ANGPT1: variants seen among roughly 807,000 people sequenced by gnomAD.
ANGPT1 encodes angiopoietin 1.
A neutral mutation model predicts 62.2 loss-of-function variants in ANGPT1; 17 were observed. The observed-to-expected ratio is 0.27, with a 90% CI of 0.19 to 0.41. The LOEUF (loss-of-function observed/expected upper bound fraction) is 0.41, where lower values mean the gene tolerates loss of function less well. Ranked by LOEUF, ANGPT1 falls within the 10% of genes least tolerant of loss-of-function variation. The probability of loss-of-function intolerance (pLI) is 1.00; values close to 1 mark genes in which losing one functional copy is unlikely to be tolerated. For synonymous variants in ANGPT1, 199 were observed against 198.9 expected (o/e 1.00, Z 0.00); for missense variants, 478 against 594.9 (o/e 0.80, Z 2.04).
At chr8:107,469,797 T>C (rs1323808489) in intron 1 of ANGPT1, among the ~76,000 whole-genome samples, 1 of 152,042 alleles carries the variant, frequency 6.6e-6, no homozygotes, top group African/African-American at 2.4e-5. Flanking sequence ...GCTTTTAAAA[T>C]TGTACTTCAT....
At chr8:107,389,283 G>A (rs117823237) in intron 1 of ANGPT1, among the ~76,000 whole-genome samples, 33 of 152,256 alleles carry the variant, frequency 2.2e-4, no homozygotes, top group Non-Finnish European at 4.3e-4. Flanking sequence ...ATCATGGCAA[G>A]GACTACGTGC....
chr8:107,493,580 A>G (rs970088295), intron 1 of ANGPT1, among the ~76,000 whole-genome samples: 2 of 150,676 alleles, frequency 1.3e-5, no homozygotes, highest in African/African-American at 4.9e-5. Context: ...ACAACTTACA[A>G]TCTATTGAAG....
intron 1 of ANGPT1, among the ~76,000 whole-genome samples, chr8:107,428,450 A>C (rs1811092723): frequency 6.6e-6 from 1 of 152,144 alleles, no homozygotes; most frequent in Non-Finnish European, 1.5e-5. Flanking sequence ...GACCCATCCA[A>C]ACAGAAACAA....
At chr8:107,267,046 ATTAT>A (rs1222307118) in intron 7 of ANGPT1, among the ~76,000 whole-genome samples, 2 of 151,896 alleles carry the variant, frequency 1.3e-5, no homozygotes, top group African/African-American at 2.4e-5. Context: ...AATATAAAAT[ATTAT>A]TTATTTTTAA....
At chr8:107,463,259 A>T (rs1252227262) in intron 1 of ANGPT1, among the ~76,000 whole-genome samples, 1 of 152,094 alleles carries the variant, frequency 6.6e-6, no homozygotes, top group Admixed American at 6.6e-5. Flanking sequence ...TGAGCTTGGA[A>T]GCAATCATTT....
chr8:107,424,636 C>T (rs1051246550), intron 1 of ANGPT1, among the ~76,000 whole-genome samples: 1 of 152,168 alleles, frequency 6.6e-6, no homozygotes, highest in Non-Finnish European at 1.5e-5. Context: ...TCAATGCAAA[C>T]CACAACTGGA....
rs1485150484 is a variant in ANGPT1 at position 107,353,237 on chromosome 8, C to T, written c.298-6140G>A. On this transcript the variant is annotated intron_variant, in intron 1 of 8. Transcript: ENST00000517746. ...TGAAAGAGACATTAAATATTATGAG[C>T]TCCAAGGATCTTGTTTTATAGATGT... Among the ~76,000 whole-genome samples the T allele has an allele frequency of 2.6e-5, 4 of 152,116 alleles. No homozygotes were observed. The East Asian group carries it at 7.7e-4, about 29-fold the overall frequency.
At chr8:107,442,992 C>T (rs1370113070) in intron 1 of ANGPT1, among the ~76,000 whole-genome samples, 1 of 152,118 alleles carries the variant, frequency 6.6e-6, no homozygotes, top group African/African-American at 2.4e-5. Context: ...AATGCCCAGC[C>T]CAGTCTTTCT....
At chr8:107,336,938 A>G (rs1305999913) in intron 2 of ANGPT1, among the ~76,000 whole-genome samples, 1 of 152,186 alleles carries the variant, frequency 6.6e-6, no homozygotes, top group African/African-American at 2.4e-5. Flanking sequence ...TAGGCATGTA[A>G]AAGATACCTG....
chr8:107,482,593 AG>A (rs1410902116), intron 1 of ANGPT1, among the ~76,000 whole-genome samples: 1 of 152,102 alleles, frequency 6.6e-6, no homozygotes, highest in Non-Finnish European at 1.5e-5. Flanking sequence ...ATTCAAGGGG[AG>A]GGGAACTCTT....
chr8:107,340,035 G>A (rs1815660736), intron 2 of ANGPT1, among the ~76,000 whole-genome samples: 1 of 152,130 alleles, frequency 6.6e-6, no homozygotes, highest in African/African-American at 2.4e-5. Context: ...CTCCACTGAT[G>A]TATTAAACTA....
intron 1 of ANGPT1, among the ~76,000 whole-genome samples, chr8:107,403,888 G>GAAGAAATGAAAGACAAGA (rs1817094940): frequency 6.6e-6 from 1 of 152,084 alleles, no homozygotes; most frequent in Non-Finnish European, 1.5e-5. Context: ...TTACTGTCAT[G>GAAGAAATGAAAGACAAGA]AAGAAATGAA....
intron 1 of ANGPT1, among the ~76,000 whole-genome samples, chr8:107,400,720 T>G (rs528172431): frequency 6.6e-6 from 1 of 152,068 alleles, no homozygotes; most frequent in African/African-American, 2.4e-5. Flanking sequence ...CCACTACACC[T>G]GGCTAATTTC....
chr8:107,298,646 G>C (rs1814478222), intron 5 of ANGPT1, among the ~76,000 whole-genome samples: 1 of 150,900 alleles, frequency 6.6e-6, no homozygotes, highest in African/African-American at 2.4e-5. Context: ...TTTTTTTTTG[G>C]CATGGAACAA....
Position 107,341,510 on chromosome 8 carries a change from T to C in ANGPT1, c.454-5239A>G, listed in dbSNP as rs1052408410. Among the ~76,000 whole-genome samples the C allele has an allele frequency of 4.6e-5, 7 of 150,640 alleles. No homozygotes were observed. In the Admixed American group the frequency reaches 4.6e-4, roughly 10 times the overall value. On this transcript the variant is annotated intron_variant, in intron 2 of 8. Coordinates refer to ENST00000517746, the MANE Select transcript of ANGPT1 (RefSeq NM_001146.5). ...TGAATGTAGAAATTAGATAATCTTATGGAATTATTGTTCATCTTAGTTGTG... is the reference window on the plus strand; with the variant it reads ...TGAATGTAGAAATTAGATAATCTTACGGAATTATTGTTCATCTTAGTTGTG...
chr8:107,274,951 ACATGCC>A, intron 7 of ANGPT1, among the ~76,000 whole-genome samples: 1 of 152,122 alleles, frequency 6.6e-6, no homozygotes, highest in Admixed American at 6.6e-5. Context: ...TCTGATAAAG[ACATGCC>A]CAGAGCACAG....
rs761722439 is a variant in ANGPT1 at position 107,497,339 on chromosome 8, C to T, written c.220G>A (p.Val74Met). 3.7e-6 allele frequency: 6 copies of T among 1,614,136 alleles called. No homozygotes were observed. Among genetic ancestry groups the T allele is most frequent in the East Asian group, 2.2e-5 (1 of 44,878 alleles). ...TTCTGGGAAGAGAAATCCGGTTCCA[C>T]GTGTGGAGCATCTCTCTGCAGAGCG... ...TNALQRDAPH[V>M]EPDFSSQKLQ... Residue 74 changes from valine to methionine, a missense_variant, in exon 1 of 9, where the codon GTG becomes ATG. Around this residue, in one of 4 missense-constraint regions of ANGPT1, gnomAD observed 343 missense variants for 355.4 expected, o/e 0.97. Transcript: ENST00000517746.
intron 1 of ANGPT1, among the ~76,000 whole-genome samples, chr8:107,470,418 A>G (rs185142867): frequency 1.3e-5 from 2 of 152,108 alleles, no homozygotes; most frequent in African/African-American, 4.8e-5. Context: ...GGATAATAGA[A>G]TACATCAGAT....
intron 1 of ANGPT1, among the ~76,000 whole-genome samples, chr8:107,434,986 C>G (rs1250041232): frequency 6.6e-6 from 1 of 152,068 alleles, no homozygotes; most frequent in Non-Finnish European, 1.5e-5. Context: ...TAGTGATTCT[C>G]TAATCACTAA....
Sources: allele counts gnomAD v4.1 joint callset (sites outside exome capture counted in the v4.1 genomes callset), GRCh38; gene constraint gnomAD v4.1.1; regional missense constraint gnomAD v4.1.1; transcripts MANE v1.5; gene names NCBI Gene and HGNC (gene_info 2026-07-23, HGNC 2026-07-21).